NAA15: variants seen among roughly 807,000 people sequenced by gnomAD.
NAA15 encodes the protein N-terminal acetyltransferase.
NAA15 carries 34 observed loss-of-function variants against 114.0 expected under a neutral mutation model. The observed-to-expected ratio is 0.30, with a 90% CI of 0.23 to 0.40. NAA15 has a LOEUF of 0.40. NAA15 is among the 10% of genes least tolerant of loss of function. NAA15 has a pLI of 1.00. For synonymous variants in NAA15, 340 were observed against 338.0 expected (o/e 1.01, Z -0.06); for missense variants, 658 against 1,004.5 (o/e 0.66, Z 4.66).
chr4:139,358,412 T>C (rs923906087), intron 11 of NAA15, among the ~76,000 whole-genome samples: 6 of 152,110 alleles, frequency 3.9e-5, no homozygotes, highest in African/African-American at 1.4e-4. Context: ...GCTAGGCTGG[T>C]CTCGAACTCC....
chr4:139,335,740 A>G (rs1747180175), intron 2 of NAA15, among the ~76,000 whole-genome samples: 1 of 151,192 alleles, frequency 6.6e-6, no homozygotes, highest in South Asian at 2.1e-4. Context: ...GGTTGCATAT[A>G]AATTGTCATA....
intron 1 of NAA15, among the ~76,000 whole-genome samples, chr4:139,321,638 ATTTT>A (rs35673045): frequency 7.5e-6 from 1 of 132,544 alleles, no homozygotes. Context: ...CGCCTGGCTA[ATTTT>A]TTTTTTTTTT....
At chr4:139,338,442 T>G (rs976368729) in intron 3 of NAA15, among the ~76,000 whole-genome samples, 4 of 152,292 alleles carry the variant, frequency 2.6e-5, no homozygotes, top group East Asian at 3.9e-4. Flanking sequence ...TGGGGTTTTT[T>G]TTTGTTTGTT....
At chr4:139,347,107 T>A (rs1386303169) in intron 6 of NAA15, among the ~76,000 whole-genome samples, 1 of 151,876 alleles carries the variant, frequency 6.6e-6, no homozygotes, top group Non-Finnish European at 1.5e-5. Context: ...TGAAGTTGGC[T>A]TTTGGTTAGT....
At chr4:139,371,474 TA>T (rs771223256) in intron 15 of NAA15, among the ~76,000 whole-genome samples, 190 of 77,962 alleles carry the variant, frequency 2.4e-3, no homozygotes, top group Admixed American at 2.8e-3. Context: ...CTCTGTCTCT[TA>T]AAAAAAAAAA....
intron 5 of NAA15, among the ~76,000 whole-genome samples, chr4:139,343,460 A>G (rs1002055667): frequency 1.3e-5 from 2 of 152,220 alleles, no homozygotes; most frequent in East Asian, 1.9e-4. Flanking sequence ...ACATTTAGTT[A>G]TCATTTCTCT....
At chr4:139,381,477 G>GT (rs1230855771) in intron 17 of NAA15, among the ~76,000 whole-genome samples, 1 of 151,916 alleles carries the variant, frequency 6.6e-6, no homozygotes, top group Non-Finnish European at 1.5e-5. Flanking sequence ...CTGCAGATAT[G>GT]TTTTTTATAC....
chr4:139,318,819 A>C (rs973301232), intron 1 of NAA15, among the ~76,000 whole-genome samples: 1 of 151,438 alleles, frequency 6.6e-6, no homozygotes, highest in South Asian at 2.1e-4. Flanking sequence ...GCGCCACTGT[A>C]CTCCAGCCTA....
At chr4:139,332,572 G>GGTTTTT (rs1747051837) in intron 1 of NAA15, among the ~76,000 whole-genome samples, 1 of 62,012 alleles carries the variant, frequency 1.6e-5, no homozygotes, top group Non-Finnish European at 2.9e-5. Flanking sequence ...TGGTTTGTAT[G>GGTTTTT]TTTTTTTTTT....
intron 1 of NAA15, among the ~76,000 whole-genome samples, chr4:139,332,504 GT>G (rs1414247535): frequency 1.4e-5 from 2 of 143,910 alleles, no homozygotes; most frequent in Non-Finnish European, 3.0e-5. Context: ...GGACACAAAA[GT>G]TTAGCTTTTT....
In NAA15 at chr4:139,301,800, C is replaced by A; in HGVS notation, c.23C>A (p.Pro8His). 6.3e-7 allele frequency: 1 copy of A among 1,589,382 alleles called. No individual in the cohort carries two copies. Among genetic ancestry groups the A allele is most frequent in the East Asian group, 2.3e-5 (1 of 42,900 alleles). ...ACGATGCCGGCCGTGAGCCTCCCGC[C>A]CAAGGAGAATGCGCTCTTCAAGCGG... MPAVSLPPKENALFKRIL... is the reference protein window; with the variant it reads MPAVSLPHKENALFKRIL... Residue 8 changes from proline (P) to histidine (H), a missense_variant, in exon 1 of 20, where the codon CCC (proline) becomes CAC (histidine). By Grantham distance (77) the Pro-to-His change is moderately conservative. This residue lies in a region of NAA15 where 18 missense variants were observed against 18.9 expected (regional missense o/e 0.95). Coordinates refer to ENST00000296543, the MANE Select transcript of NAA15 (RefSeq NM_057175.5).
chr4:139,303,670 G>T (rs920682712), intron 1 of NAA15, among the ~76,000 whole-genome samples: 2 of 152,090 alleles, frequency 1.3e-5, no homozygotes, highest in Non-Finnish European at 2.9e-5. Context: ...GGTGGTGTTC[G>T]CCTGTAGTCC....
chr4:139,333,785 A>G (rs561068517), intron 1 of NAA15, among the ~76,000 whole-genome samples: 1 of 152,030 alleles, frequency 6.6e-6, no homozygotes, highest in African/African-American at 2.4e-5. Flanking sequence ...CTGTAGTCCC[A>G]GCTACTTGGG....
At chr4:139,362,408 G>A (rs1748160725) in intron 14 of NAA15, among the ~76,000 whole-genome samples, 1 of 152,006 alleles carries the variant, frequency 6.6e-6, no homozygotes, top group South Asian at 2.1e-4. Flanking sequence ...TGAGTAGCTG[G>A]GATTACAGGT....
At chr4:139,345,748 G>A (rs775560959) in intron 6 of NAA15, among the ~76,000 whole-genome samples, 5 of 152,084 alleles carry the variant, frequency 3.3e-5, no homozygotes, top group Middle Eastern at 3.2e-3. Context: ...GTGAAACCTC[G>A]TCTCTACTAA....
chr4:139,342,894 T>A lies in NAA15; in HGVS notation c.471T>A (p.Ala157=). 1 of 1,613,220 alleles carries A rather than the reference T, an allele frequency of 6.2e-7. No individual in the cohort carries two copies. The highest frequency in any genetic ancestry group is 8.5e-7 in the Non-Finnish European group (1 of 1,179,192). The change falls in exon 5 of 20, where the codon GCT becomes GCA. Residue 157 remains alanine, a synonymous_variant. Coordinates refer to ENST00000296543, the MANE Select transcript of NAA15 (RefSeq NM_057175.5). ...QRASWIGYAI[A]YHLLEDYEMA... is the part of the protein sequence containing the mutation. ...CATCATGGATTGGTTATGCTATTGC[T>A]TACCATTTATTAGAAGATTATGAAA...
At position 139,384,573 on chromosome 4, in the gene NAA15, C is replaced by A. The variant is rs190552736; in HGVS notation, c.2156-259C>A. Reference sequence around the variant, plus strand: ...GTCTTTGTATATAATTGCCATGTTTCATTGGCCTCATCATTAGGTAATTTA... The same window carrying A: ...GTCTTTGTATATAATTGCCATGTTTAATTGGCCTCATCATTAGGTAATTTA... On this transcript the variant is annotated intron_variant, in intron 17 of 19. Coordinates refer to ENST00000296543, the MANE Select transcript of NAA15 (RefSeq NM_057175.5). Among the ~76,000 whole-genome samples the A allele has an allele frequency of 1.3e-3, 194 of 152,202 alleles. 1 individual carries two copies. The highest frequency in any genetic ancestry group is 2.2e-3 in the Non-Finnish European group (152 of 68,000).
intron 1 of NAA15, among the ~76,000 whole-genome samples, chr4:139,315,583 T>G (rs1490702672): frequency 6.6e-6 from 1 of 151,802 alleles, no homozygotes; most frequent in African/African-American, 2.4e-5. Flanking sequence ...AGCAGTACTT[T>G]TCTAAACTAC....
In NAA15 at chr4:139,360,556, A is replaced by T; in HGVS notation, c.1467A>T (p.Thr489=). ...AAATGCAGTGCATGTGGTTCCAAAC[A>T]GAATGTGCCCAGGCTTATAAAGCAA... ...LNEMQCMWFQ[T]ECAQAYKAMN... is the part of the protein sequence containing the mutation. The change falls in exon 13 of 20, where the codon ACA becomes ACT. Residue 489 remains threonine, a synonymous_variant. Coordinates refer to ENST00000296543, the MANE Select transcript of NAA15 (RefSeq NM_057175.5). 6.2e-7 allele frequency: 1 copy of T among 1,610,162 alleles called. No individual in the cohort carries two copies. Among genetic ancestry groups the T allele is most frequent in the African/African-American group, 1.3e-5 (1 of 74,802 alleles).
Sources: allele counts gnomAD v4.1 joint callset (sites outside exome capture counted in the v4.1 genomes callset), GRCh38; gene constraint gnomAD v4.1.1; regional missense constraint gnomAD v4.1.1; transcripts MANE v1.5; gene names NCBI Gene and HGNC (gene_info 2026-07-23, HGNC 2026-07-21).